The following PCDHGA4 variants were observed in gnomAD, a reference collection of about 807,000 sequenced individuals.
The protein encoded by PCDHGA4 is protocadherin gamma subfamily A, 4.
A neutral mutation model predicts 54.6 loss-of-function variants in PCDHGA4; 38 were observed. That is an observed-to-expected ratio of 0.70 (90% confidence interval 0.54 to 0.91). The LOEUF is 0.91. Among genes scored for constraint, PCDHGA4 ranks in the 40% least tolerant of loss-of-function variants. The pLI, the probability that PCDHGA4 is intolerant of heterozygous loss-of-function variation, is 0.00. For missense variants in PCDHGA4, 1,298 were observed against 1,220.9 expected (o/e 1.06, Z -0.94); for synonymous variants, 511 against 512.9 (o/e 1.00, Z 0.05).
chr5:141,503,136 A>G (rs1352550702), intron 2 of PCDHGA4, among the ~76,000 whole-genome samples: 5 of 151,846 alleles, frequency 3.3e-5, no homozygotes, highest in Admixed American at 2.0e-4. Context: ...GTAGCCCCTG[A>G]CACAGCCCAT....
At chr5:141,371,014 A>T in intron 1 of PCDHGA4, 1 of 1,614,008 alleles carries the variant, frequency 6.2e-7, no homozygotes, top group Non-Finnish European at 8.5e-7. Context: ...GAGCAGCCAC[A>T]TCACCACCTG....
At chr5:141,445,420 T>C (rs968387442) in intron 1 of PCDHGA4, among the ~76,000 whole-genome samples, 3 of 152,204 alleles carry the variant, frequency 2.0e-5, no homozygotes, top group Admixed American at 6.5e-5. Context: ...GTCTGCTATA[T>C]GCAAGGCACT....
At chr5:141,403,945 A>C in intron 1 of PCDHGA4, 3 of 1,613,926 alleles carry the variant, frequency 1.9e-6, no homozygotes, top group Non-Finnish European at 2.5e-6. Flanking sequence ...AAGGGTGGAC[A>C]AAAGTGCTCA....
At chr5:141,412,133 C>T (rs2095537829) in intron 1 of PCDHGA4, 1 of 152,184 alleles carries the variant, frequency 6.6e-6, no homozygotes, top group African/African-American at 2.4e-5. Flanking sequence ...GGACTTTGGC[C>T]TCTGATACAA....
rs532318617 is a variant in PCDHGA4, at chr5:141,384,539, C to T, written c.2514+26918C>T. On this transcript the variant is annotated intron_variant, in intron 1 of 3. Coordinates refer to ENST00000571252, the MANE Select transcript of PCDHGA4 (RefSeq NM_018917.4). ...GACCCGCCTCTCAGCAGCAACATGT[C>T]ACTGAGCCTGTTCGTGCTGGACCAG... 44 of 1,614,240 alleles carry T rather than the reference C, an allele frequency of 2.7e-5. No homozygotes were observed. The South Asian group carries it at 4.1e-4, about 15-fold the overall frequency.
chr5:141,383,043 C>T, intron 1 of PCDHGA4: 1 of 1,613,860 alleles, frequency 6.2e-7, no homozygotes, highest in Non-Finnish European at 8.5e-7. Flanking sequence ...TGGGAGACAT[C>T]GCCAAGGACC....
chr5:141,485,421 C>G lies in PCDHGA4; in HGVS notation c.2515-9386C>G. The G allele has an allele frequency of 6.2e-7, 1 of 1,614,112 alleles. No individual in the cohort carries two copies. The highest frequency in any genetic ancestry group is 1.1e-5 in the South Asian group (1 of 91,080). ...TTCCGTGTGGATTTGGACAGCGGAG[C>G]CCTGCTCATCAAGAACCCAATCGAC... On this transcript the variant is annotated intron_variant, in intron 1 of 3. Transcript: ENST00000571252. This position sits in a 1 kb window ranked among gnomAD's most constrained non-coding sequence, Gnocchi z 5.7.
intron 1 of PCDHGA4, among the ~76,000 whole-genome samples, chr5:141,466,916 GT>G (rs1204028461): frequency 6.6e-6 from 1 of 152,010 alleles, no homozygotes; most frequent in Non-Finnish European, 1.5e-5. Context: ...AAAACTCCTT[GT>G]ATTAGGAATA....
At chr5:141,466,281 C>T (rs555506496) in intron 1 of PCDHGA4, among the ~76,000 whole-genome samples, 76 of 152,252 alleles carry the variant, frequency 5.0e-4, no homozygotes, top group African/African-American at 1.7e-3. Context: ...AGCAATCTTC[C>T]CACCTCAGGC....
intron 1 of PCDHGA4, chr5:141,389,681 C>T (rs1172050771): frequency 1.2e-6 from 2 of 1,612,438 alleles, no homozygotes; most frequent in South Asian, 1.1e-5. Context: ...CAGGACACAA[C>T]GCCTGGCTGT....
At chr5:141,494,729 C>A in intron 1 of PCDHGA4, 78 bp from the exon 2 acceptor site, 1 of 1,610,166 alleles carries the variant, frequency 6.2e-7, no homozygotes. Context: ...CCTTCTCTCC[C>A]GGCCCATCCC....
intron 1 of PCDHGA4, among the ~76,000 whole-genome samples, chr5:141,467,950 C>T (rs780236016): frequency 2.6e-5 from 4 of 152,290 alleles, no homozygotes; most frequent in Admixed American, 6.5e-5. Context: ...TGAGCCACCA[C>T]ACCCGGCTGC....
chr5:141,484,988 G>A (rs1187402042), intron 1 of PCDHGA4: 2 of 604,830 alleles, frequency 3.3e-6, no homozygotes, highest in Admixed American at 3.0e-5. Context: ...CAATCGGGTG[G>A]TGAAAGGCAG....
chr5:141,399,059 A>T (rs769553635), intron 1 of PCDHGA4: 8 of 1,613,882 alleles, frequency 5.0e-6, no homozygotes, highest in Non-Finnish European at 6.8e-6. Context: ...ACCAAGGAAT[A>T]TTCAATGGTT....
chr5:141,372,115 T>C, intron 1 of PCDHGA4: 1 of 1,613,758 alleles, frequency 6.2e-7, no homozygotes, highest in Non-Finnish European at 8.5e-7. Flanking sequence ...GGCTCTGCGC[T>C]CTTCGATATG....
chr5:141,427,892 C>G (rs752723370), intron 1 of PCDHGA4: 2 of 1,567,044 alleles, frequency 1.3e-6, no homozygotes, highest in African/African-American at 2.7e-5. Context: ...ACGACCAGGG[C>G]TCGCCCGCGC....
chr5:141,509,513 T>C (rs2099877131), intron 3 of PCDHGA4, among the ~76,000 whole-genome samples: 2 of 152,068 alleles, frequency 1.3e-5, no homozygotes, highest in Non-Finnish European at 2.9e-5. Flanking sequence ...ACGGTGTTGA[T>C]GATGTATTGC....
At chr5:141,401,113 G>A (rs2094114942) in intron 1 of PCDHGA4, among the ~76,000 whole-genome samples, 1 of 152,192 alleles carries the variant, frequency 6.6e-6, no homozygotes, top group Non-Finnish European at 1.5e-5. Flanking sequence ...GGAGGCCGAG[G>A]CGGTTGGATC....
chr5:141,417,896 C>G, intron 1 of PCDHGA4: 1 of 1,576,868 alleles, frequency 6.3e-7, no homozygotes, highest in Non-Finnish European at 8.6e-7. Flanking sequence ...CCGGGCCGGC[C>G]CGCGGCAGGT....
Sources: gnomAD v4.1 joint callset for allele counts (sites outside exome capture counted in the v4.1 genomes callset) on GRCh38, gnomAD v4.1.1 for gene constraint, Gnocchi (gnomAD v3.1) non-coding constraint, MANE v1.5 for transcripts, NCBI Gene and HGNC (gene_info 2026-07-23, HGNC 2026-07-21) for gene names.